Variants in CFAP46 observed in about 807,000 individuals in gnomAD.
CFAP46 encodes cilia and flagella associated protein 46.
Under a neutral mutation model 325.7 loss-of-function variants are expected in CFAP46, and 245 were observed. That is an observed-to-expected ratio of 0.75 (90% confidence interval 0.68 to 0.84). The LOEUF (loss-of-function observed/expected upper bound fraction) is 0.84, where lower values mean the gene tolerates loss of function less well. Ranked by LOEUF, CFAP46 falls within the 40% of genes least tolerant of loss-of-function variation. The pLI is 0.00. For missense variants in CFAP46, 3,346 were observed against 3,543.0 expected (o/e 0.94, Z 1.41); for synonymous variants, 1,523 against 1,495.9 (o/e 1.02, Z -0.42).
At chr10:132,864,847 GTGCCTGAGACCTGCACACACCTGTCCCCC>G (rs1254769766) in intron 35 of CFAP46, among the ~76,000 whole-genome samples, 6,945 of 131,292 alleles carry the variant, frequency 0.053, 171 homozygotes, top group Non-Finnish European at 0.075. Flanking sequence ...CCTGTTCCCA[GTGCCTGAGACCTGCACACACCTGTCCCCC>G]TGCCTGAGAC....
In CFAP46 at chr10:132,859,212, G is replaced by A. The variant is rs1483300005; in HGVS notation, c.5234C>T (p.Ser1745Leu). 2.6e-6 allele frequency: 4 copies of A among 1,550,004 alleles called. No individual in the cohort carries two copies. The highest frequency in any genetic ancestry group is 3.5e-6 in the Non-Finnish European group (4 of 1,147,004). ...GCACTCTGTGGGTTCAGTGACCGCT[G>A]AGTGCTGCGCAACTCTGACCCGCAG... ...LSLRVRVAQHSAVTEPTECSL... is the reference protein window; with the variant it reads ...LSLRVRVAQHLAVTEPTECSL... The change falls in exon 38 of 58, where the codon TCA becomes TTA. Residue 1745 changes from serine to leucine, a missense_variant. Transcript: ENST00000368586.
At chr10:132,885,691 G>T in intron 26 of CFAP46, 130 bp downstream of exon 26, 1 of 813,508 alleles carries the variant, frequency 1.2e-6, no homozygotes, top group Non-Finnish European at 1.8e-6. Flanking sequence ...CACTCCGGTG[G>T]GGGAGCACAC....
In CFAP46 at chr10:132,820,955, CTGA is replaced by C. The variant is rs1327468975; in HGVS notation, c.7118-6044_7118-6042del. Among the ~76,000 whole-genome samples, 72 of 46,432 alleles carry C rather than the reference CTGA, an allele frequency of 1.6e-3. 6 individuals carry two copies. The South Asian group carries it at 0.042, about 27-fold the overall frequency. 30.5% of individuals were successfully genotyped at this position (46,432 alleles called of 152,430 possible). A position where few individuals can be genotyped will look rare whatever the true frequency, so the allele number is the denominator to read the frequency against. On this transcript the variant is annotated intron_variant, in intron 50 of 57. Coordinates refer to ENST00000368586, the MANE Select transcript of CFAP46 (RefSeq NM_001200049.3). ...TGTGCGCTGATGTGTGCTGTGTGTG[CTGA>C]TGTGTGCTGTGTGTGTGCTGATGTG...
At chr10:132,815,837 T>G (rs1847683838) in intron 50 of CFAP46, among the ~76,000 whole-genome samples, 1 of 152,032 alleles carries the variant, frequency 6.6e-6, no homozygotes, top group Non-Finnish European at 1.5e-5. Flanking sequence ...CAGCTTATCT[T>G]TTTATGTATT....
At position 132,877,849 on chromosome 10, in the gene CFAP46, C is replaced by T. The variant is rs758862478; in HGVS notation, c.4212+32G>A. On this transcript the variant is annotated intron_variant, in intron 30 of 57. Coordinates refer to ENST00000368586, the MANE Select transcript of CFAP46 (RefSeq NM_001200049.3). The surrounding 1 kb of genome is among the most constrained non-coding windows in gnomAD (Gnocchi z 5.7). ...ACTGAGGCACAGGCCATCCTGGGCC[C>T]GGCCTCTGCACCGTGGCCACTTGGG... 34 of 1,544,488 alleles carry T rather than the reference C, an allele frequency of 2.2e-5. No homozygotes were observed. The highest frequency in any genetic ancestry group is 2.2e-4 in the African/African-American group (16 of 72,846).
chr10:132,940,791 C>T (rs1397884913), intron 4 of CFAP46, among the ~76,000 whole-genome samples: 3 of 152,176 alleles, frequency 2.0e-5, no homozygotes, highest in Non-Finnish European at 1.5e-5. Flanking sequence ...CCGCCGAGTG[C>T]AAAAGAGGCT....
Position 132,899,654 on chromosome 10 carries a change from C to A in CFAP46, c.2937G>T (p.Arg979=). 1 of 1,549,482 alleles carries A rather than the reference C, an allele frequency of 6.5e-7. No individual in the cohort carries two copies. Among genetic ancestry groups the A allele is most frequent in the Non-Finnish European group, 8.7e-7 (1 of 1,146,442 alleles). ...CTGTGCACAGCATCTCTGCCACCAG[C>A]CGGGACTCCTCGCTGCAGGAACAGG... ...YLKKFGPEES[R]LVAEMLCTAT... The change falls in exon 23 of 58, where the codon CGG becomes CGT. Residue 979 remains arginine (R), a synonymous_variant. Transcript: ENST00000368586.
chr10:132,927,028 C>A (rs891398104), intron 9 of CFAP46, among the ~76,000 whole-genome samples: 1 of 152,146 alleles, frequency 6.6e-6, no homozygotes. Context: ...TACGTCACAC[C>A]GGGAAGAAGG....
At chr10:132,864,329 C>A (rs1245413424) in intron 35 of CFAP46, among the ~76,000 whole-genome samples, 1 of 125,904 alleles carries the variant, frequency 7.9e-6, no homozygotes, top group Non-Finnish European at 1.7e-5. Flanking sequence ...CTGAGACCTG[C>A]ACACACCTGT....
chr10:132,809,717 C>T (rs1312963057), intron 57 of CFAP46, among the ~76,000 whole-genome samples: 1 of 152,168 alleles, frequency 6.6e-6, no homozygotes, highest in Non-Finnish European at 1.5e-5. Flanking sequence ...CTGGCTCCTC[C>T]CGCCTCACCG....
At chr10:132,880,045 G>A (rs1161030095) in intron 28 of CFAP46, among the ~76,000 whole-genome samples, 1 of 152,148 alleles carries the variant, frequency 6.6e-6, no homozygotes, top group Non-Finnish European at 1.5e-5. Flanking sequence ...CAGGGAGGGT[G>A]GCCCTGAGCA....
chr10:132,941,614 C>T lies in CFAP46; in HGVS notation c.283G>A (p.Ala95Thr), dbSNP rs770311998. 1 of 1,613,544 alleles carries T rather than the reference C, an allele frequency of 6.2e-7. No individual in the cohort carries two copies. The stretch of plus-strand genomic sequence containing the variant: ...ACCAGGTTTTCTGCCGACTTCGGGG[C>T]ACACATCTGGGCCCTGCACAGGTGC... ...RAHLCRAQMC[A>T]PKSAENLEEF... The change falls in exon 3 of 58, where the codon GCC (alanine) becomes ACC (threonine). Residue 95 changes from alanine (A) to threonine (T), a missense_variant. By Grantham distance (58) the Ala-to-Thr change is moderately conservative. Transcript: ENST00000368586.
At chr10:132,921,926 C>G (rs1474133852) in intron 13 of CFAP46, among the ~76,000 whole-genome samples, 178 bp downstream of exon 13, 1 of 152,244 alleles carries the variant, frequency 6.6e-6, no homozygotes, top group African/African-American at 2.4e-5. Flanking sequence ...CACAGAAGAC[C>G]GTCGCTGGGC....
Position 132,899,587 on chromosome 10 carries a change from C to A in CFAP46, c.3004G>T (p.Gly1002Cys). Residue 1002 changes from glycine to cysteine, a missense_variant, in exon 23 of 58, where the codon GGC becomes TGC. Gly to Cys is a radical substitution (Grantham distance 159, BLOSUM62 -3). Coordinates refer to ENST00000368586, the MANE Select transcript of CFAP46 (RefSeq NM_001200049.3). ...GCCACCAGTCGCAGCTGCTTCCGGC[C>A]CTTCAGGTTTTCCATGATGCTCCTG... ...QGRSIMENLK[G>C]RKQLRLVAAK... 6.5e-7 allele frequency: 1 copy of A among 1,549,928 alleles called. No individual in the cohort carries two copies. Among genetic ancestry groups the A allele is most frequent in the South Asian group, 1.2e-5 (1 of 84,022 alleles).
chr10:132,857,152 C>G (rs1283246154), intron 39 of CFAP46, among the ~76,000 whole-genome samples: 1 of 152,246 alleles, frequency 6.6e-6, no homozygotes, highest in African/African-American at 2.4e-5. Context: ...GTAGCTTCCT[C>G]TCAAGAATGT....
chr10:132,894,622 G>A (rs567859851), intron 24 of CFAP46, among the ~76,000 whole-genome samples: 1 of 151,686 alleles, frequency 6.6e-6, no homozygotes, highest in Non-Finnish European at 1.5e-5. Context: ...ACTAAAATAA[G>A]TAAGGCAAGT....
chr10:132,864,342 C>CT (rs1848773788), intron 35 of CFAP46, among the ~76,000 whole-genome samples: 1 of 125,074 alleles, frequency 8.0e-6, no homozygotes, highest in South Asian at 2.9e-4. Flanking sequence ...ACACCTGTCC[C>CT]CAGTGCCTGA....
chr10:132,833,641 C>A (rs942194198), intron 49 of CFAP46, 116 bp from the exon 50 acceptor site: 2 of 1,096,784 alleles, frequency 1.8e-6, no homozygotes, highest in South Asian at 1.5e-5. Context: ...GGCAGCCCGC[C>A]TTGACTCCAT....
chr10:132,922,249 C>T (rs1365639471), intron 12 of CFAP46, 25 bp from the exon 13 acceptor site: 2 of 1,542,862 alleles, frequency 1.3e-6, no homozygotes, highest in Admixed American at 2.0e-5. Flanking sequence ...GACTGATGAG[C>T]AAGGGGCCGC....
Sources: gnomAD v4.1 joint callset for allele counts (sites outside exome capture counted in the v4.1 genomes callset) on GRCh38, gnomAD v4.1.1 for gene constraint, Gnocchi (gnomAD v3.1) non-coding constraint, MANE v1.5 for transcripts, NCBI Gene and HGNC (gene_info 2026-07-23, HGNC 2026-07-21) for gene names.